The following WFDC13 variants were observed in gnomAD, a reference collection of about 807,000 sequenced individuals.
WFDC13 encodes the protein WAP four-disulfide core domain protein 13.
Under a neutral mutation model 10.9 loss-of-function variants are expected in WFDC13, and 6 were observed. The ratio of observed to expected loss-of-function variants is 0.55; its 90% confidence interval spans 0.30 to 1.09. The LOEUF is 1.09. WFDC13 is among the 50% of genes least tolerant of loss of function. The pLI is 0.06. For missense variants in WFDC13, 104 were observed against 109.6 expected, an observed-to-expected ratio of 0.95 and a Z score of 0.23; for synonymous variants, 38 against 39.5, an observed-to-expected ratio of 0.96 and a Z score of 0.14.
At chr20:45,702,997 T>C (rs1351098723) in intron 1 of WFDC13, among the ~76,000 whole-genome samples, 1 of 152,174 alleles carries the variant, frequency 6.6e-6, no homozygotes, top group Non-Finnish European at 1.5e-5. Flanking sequence ...CATGCAGGTT[T>C]GTAGGACTAA....
At chr20:45,707,203 T>C (rs1174336778) in intron 3 of WFDC13, among the ~76,000 whole-genome samples, 1 of 152,172 alleles carries the variant, frequency 6.6e-6, no homozygotes, top group Non-Finnish European at 1.5e-5. Flanking sequence ...ACAGAATTAG[T>C]CCCTCTCTTT....
At chr20:45,706,598 C>CCAA (rs1453297588) in intron 3 of WFDC13, among the ~76,000 whole-genome samples, 1 of 151,776 alleles carries the variant, frequency 6.6e-6, no homozygotes, top group Non-Finnish European at 1.5e-5. Context: ...AGAGTGAAAC[C>CCAA]CTGTCTCTAC....
intron 1 of WFDC13, among the ~76,000 whole-genome samples, chr20:45,703,949 T>C (rs139597140): frequency 3.3e-5 from 5 of 152,314 alleles, no homozygotes; most frequent in South Asian, 2.1e-4. Flanking sequence ...GTTTAATGCA[T>C]GGTCTTCATC....
chr20:45,702,718 G>T (rs906184440), intron 1 of WFDC13, among the ~76,000 whole-genome samples: 3 of 152,146 alleles, frequency 2.0e-5, no homozygotes, highest in African/African-American at 7.2e-5. Context: ...AACTCCAGAG[G>T]TACTGTACAA....
At chr20:45,702,310 G>C in intron 1 of WFDC13, 99 bp downstream of exon 1, 1 of 1,255,808 alleles carries the variant, frequency 8.0e-7, no homozygotes, top group South Asian at 1.4e-5. Flanking sequence ...AAAATACCGT[G>C]TCATGTTCAA....
At chr20:45,704,169 G>C (rs1984290129) in intron 1 of WFDC13, among the ~76,000 whole-genome samples, 1 of 152,150 alleles carries the variant, frequency 6.6e-6, no homozygotes, top group South Asian at 2.1e-4. Context: ...ATAGTCAATG[G>C]GGGCTTGGCA....
At chr20:45,705,805 T>C (rs1374315464) in intron 2 of WFDC13, 58 bp from the exon 3 acceptor site, 2 of 1,517,822 alleles carry the variant, frequency 1.3e-6, no homozygotes, top group African/African-American at 1.4e-5. Flanking sequence ...AAGAAAAATA[T>C]ATATCTCTAA....
chr20:45,706,804 T>G (rs1234932963), intron 3 of WFDC13, among the ~76,000 whole-genome samples: 1 of 152,140 alleles, frequency 6.6e-6, no homozygotes, highest in Non-Finnish European at 1.5e-5. Context: ...GGAATCATCT[T>G]TATTATTTTA....
At chr20:45,705,682 A>G (rs1379171784) in intron 2 of WFDC13, among the ~76,000 whole-genome samples, 181 bp from the exon 3 acceptor site, 1 of 152,210 alleles carries the variant, frequency 6.6e-6, no homozygotes, top group Non-Finnish European at 1.5e-5. Context: ...CTACATTGGA[A>G]TGCAGAAGCA....
intron 3 of WFDC13, among the ~76,000 whole-genome samples, chr20:45,706,489 G>A (rs1417080809): frequency 6.6e-6 from 1 of 152,182 alleles, no homozygotes; most frequent in Admixed American, 6.5e-5. Flanking sequence ...AAAAGAGGGA[G>A]TGGGCCGGGT....
chr20:45,708,680 A>G lies in WFDC13; in HGVS notation c.*845A>G, dbSNP rs1229249652. ...CATAAAATATTAAAAAGGTATTATA[A>G]AGGTATTTAAAATAATAATAATAAA... On this transcript the variant is annotated 3_prime_UTR_variant, in exon 4 of 4. Coordinates refer to ENST00000305479, the MANE Select transcript of WFDC13 (RefSeq NM_172005.2). 6.6e-6 allele frequency: 1 copy of G among 152,226 alleles called. No homozygotes were observed. Among genetic ancestry groups the G allele is most frequent in the Admixed American group, 6.5e-5 (1 of 15,276 alleles). The allele number at this position is 152,226 out of a possible 1,614,324, so 9.4% of individuals were successfully genotyped here.
At position 45,708,682 on chromosome 20, in the gene WFDC13, G is replaced by A. The variant is rs1984493740; in HGVS notation, c.*847G>A. Reference sequence around the variant, plus strand: ...TAAAATATTAAAAAGGTATTATAAAGGTATTTAAAATAATAATAATAAAGT... The same window carrying A: ...TAAAATATTAAAAAGGTATTATAAAAGTATTTAAAATAATAATAATAAAGT... On this transcript the variant is annotated 3_prime_UTR_variant, in exon 4 of 4. Transcript: ENST00000305479. 6.6e-6 allele frequency: 1 copy of A among 151,972 alleles called. No individual in the cohort carries two copies. Among genetic ancestry groups the A allele is most frequent in the African/African-American group, 2.4e-5 (1 of 41,388 alleles). 9.4% of individuals were successfully genotyped at this position (151,972 alleles called of 1,614,324 possible).
rs770731996 is a variant in WFDC13, at chr20:45,705,889, T to A, written c.266T>A (p.Ile89Asn). The stretch of plus-strand genomic sequence containing the variant: ...ATCAAACACAAGGGCTCAGAAGTCA[T>A]CATGCCTGCCAACTGAGGCATATTT... ...NRIKHKGSEV[I>N]MPAN Residue 89 changes from isoleucine to asparagine, a missense_variant, in exon 3 of 4, where the codon ATC becomes AAC. Ile to Asn is a moderately radical substitution (Grantham distance 149, BLOSUM62 -3). Coordinates refer to ENST00000305479, the MANE Select transcript of WFDC13 (RefSeq NM_172005.2). The A allele has an allele frequency of 6.2e-7, 1 of 1,613,948 alleles. No individual in the cohort carries two copies. Among genetic ancestry groups the A allele is most frequent in the Admixed American group, 1.7e-5 (1 of 60,008 alleles).
chr20:45,705,780 G>T, intron 2 of WFDC13, 83 bp from the exon 3 acceptor site: 1 of 1,312,956 alleles, frequency 7.6e-7, no homozygotes. Flanking sequence ...TAATATTAAT[G>T]GTGGAAGTAA....
chr20:45,702,141 T>C lies in WFDC13; in HGVS notation c.18T>C (p.Pro6=), dbSNP rs763083814. 6.2e-7 allele frequency: 1 copy of C among 1,613,342 alleles called. No individual in the cohort carries two copies. The highest frequency in any genetic ancestry group is 8.5e-7 in the Non-Finnish European group (1 of 1,179,740). ...CTGACACCATGAAGCCTGTGCTGCC[T>C]CTCCAGTTCCTGGTGGTGTTCTGCC... MKPVL[P]LQFLVVFCLA... Residue 6 remains proline (P), a synonymous_variant, in exon 1 of 4, where the codon CCT becomes CCC. Coordinates refer to ENST00000305479, the MANE Select transcript of WFDC13 (RefSeq NM_172005.2).
chr20:45,703,838 T>C (rs555626628), intron 1 of WFDC13, among the ~76,000 whole-genome samples: 12 of 152,292 alleles, frequency 7.9e-5, no homozygotes, highest in African/African-American at 2.9e-4. Context: ...AGCTGAATCT[T>C]TGAACGCCAT....
chr20:45,705,526 C>A (rs1395578810), intron 2 of WFDC13, among the ~76,000 whole-genome samples: 2 of 152,178 alleles, frequency 1.3e-5, no homozygotes, highest in Non-Finnish European at 2.9e-5. Context: ...AAGACTGGAA[C>A]AATAATAGTG....
intron 2 of WFDC13, chr20:45,704,992 C>T: frequency 6.2e-7 from 1 of 1,614,140 alleles, no homozygotes; most frequent in Non-Finnish European, 8.5e-7. Context: ...AAGACACCAT[C>T]CTTTGGCCAC....
chr20:45,704,688 T>G lies in WFDC13; in HGVS notation c.239+94T>G, dbSNP rs1600969052. ...ACCAGCAACTGTGCTGGATCTCTCC[T>G]TTTTTTTTTTTTTCCTTGGTGGCCA... On this transcript the variant is annotated intron_variant, in intron 2 of 3. Transcript: ENST00000305479. 4 of 106,436 alleles carry G rather than the reference T, an allele frequency of 3.8e-5. No homozygotes were observed. The South Asian group carries it at 2.0e-3, about 54-fold the overall frequency. 6.6% of individuals were successfully genotyped at this position (106,436 alleles called of 1,614,324 possible).
Sources: gnomAD v4.1 joint callset for allele counts (sites outside exome capture counted in the v4.1 genomes callset) on GRCh38, gnomAD v4.1.1 for gene constraint, MANE v1.5 for transcripts, NCBI Gene and HGNC (gene_info 2026-07-23, HGNC 2026-07-21) for gene names.